Variants in AGBL1 observed in about 807,000 individuals in gnomAD.
The protein encoded by AGBL1 is AGBL carboxypeptidase 1.
A neutral mutation model predicts 118.9 loss-of-function variants in AGBL1; 130 were observed. That is an observed-to-expected ratio of 1.09 (90% confidence interval 0.95 to 1.26). AGBL1 has a LOEUF of 1.26. AGBL1 is among the 50% of genes most tolerant of loss of function. AGBL1 has a pLI of 0.00. For synonymous variants in AGBL1, 555 were observed against 478.9 expected (o/e 1.16, Z -2.08); for missense variants, 1,584 against 1,298.1 (o/e 1.22, Z -3.38).
intron 21 of AGBL1, among the ~76,000 whole-genome samples, chr15:86,584,362 A>C (rs2084216016): frequency 6.6e-6 from 1 of 152,120 alleles, no homozygotes; most frequent in Admixed American, 6.6e-5. Flanking sequence ...TAATTTTTGC[A>C]TATGAGGAAA....
rs576039901 is a variant in AGBL1, at chr15:86,693,700, G to A, written c.3158+19264G>A. On this transcript the variant is annotated intron_variant, in intron 22 of 22. Coordinates refer to ENST00000614907, the MANE Select transcript of AGBL1 (RefSeq NM_001386094.1). ...CAATGCCTAGAGGGTCTTTTCCAATGTTATCTTCTAGAACTTTTATAGTTT... is the reference window on the plus strand; with the variant it reads ...CAATGCCTAGAGGGTCTTTTCCAATATTATCTTCTAGAACTTTTATAGTTT... 1.6e-4 allele frequency among the ~76,000 whole-genome samples: 25 copies of A among 152,170 alleles called. No homozygotes were observed. In the East Asian group the frequency reaches 2.9e-3, roughly 18 times the overall value.
chr15:86,937,480 A>G (rs1202451817), intron 23 of AGBL1, among the ~76,000 whole-genome samples: 1 of 152,242 alleles, frequency 6.6e-6, no homozygotes, highest in Non-Finnish European at 1.5e-5. Flanking sequence ...AAAAGGAATG[A>G]AATAATGTCC....
chr15:86,931,217 C>G (rs1257117006), intron 23 of AGBL1, among the ~76,000 whole-genome samples: 1 of 152,232 alleles, frequency 6.6e-6, no homozygotes, highest in African/African-American at 2.4e-5. Flanking sequence ...CCCTTCGCTT[C>G]AAGATATTTC....
At chr15:86,821,286 A>C (rs759328585) in intron 22 of AGBL1, among the ~76,000 whole-genome samples, 1 of 152,196 alleles carries the variant, frequency 6.6e-6, no homozygotes, top group Non-Finnish European at 1.5e-5. Flanking sequence ...TGTAACAAAC[A>C]TGCATGTTCT....
At chr15:86,144,601 G>T (rs1567083526) in intron 3 of AGBL1, among the ~76,000 whole-genome samples, 1 of 152,146 alleles carries the variant, frequency 6.6e-6, no homozygotes, top group Non-Finnish European at 1.5e-5. Context: ...TTACAAGTGG[G>T]AGCTAAATGA....
rs1406476110 is a variant in AGBL1, at chr15:86,960,063, G to T, written c.3222-27924G>T. 3.9e-5 allele frequency among the ~76,000 whole-genome samples: 6 copies of T among 152,238 alleles called. No homozygotes were observed. The East Asian group carries it at 1.2e-3, about 29-fold the overall frequency. Reference sequence around the variant, plus strand: ...TATTTTTTAAATAATTCAACTGAAGGCCTTTTGCTTCTTTAACCTTTCTTT... The same window carrying T: ...TATTTTTTAAATAATTCAACTGAAGTCCTTTTGCTTCTTTAACCTTTCTTT... On this transcript the variant is annotated intron_variant, in intron 23 of 24. Coordinates refer to the AGBL1 transcript ENST00000441037.
chr15:86,550,969 G>A (rs935510188), intron 20 of AGBL1, among the ~76,000 whole-genome samples: 1 of 151,916 alleles, frequency 6.6e-6, no homozygotes, highest in Non-Finnish European at 1.5e-5. Flanking sequence ...TAAACAATTT[G>A]TATCAAATTA....
intron 22 of AGBL1, among the ~76,000 whole-genome samples, chr15:86,806,649 A>G (rs1890943324): frequency 6.6e-6 from 1 of 152,106 alleles, no homozygotes; most frequent in Admixed American, 6.6e-5. Flanking sequence ...GGGAGAAATA[A>G]TACTATCTCA....
At position 86,158,973 on chromosome 15, in the gene AGBL1, A is replaced by G. The variant is rs1289446995; in HGVS notation, c.435A>G (p.Glu145=). The G allele has an allele frequency of 6.2e-7, 1 of 1,613,378 alleles. No homozygotes were observed. The highest frequency in any genetic ancestry group is 8.5e-7 in the Non-Finnish European group (1 of 1,179,438). ...TGCTGGGAATTAATGGAGCCATGGAACTGCTTTTCAAGGTTATTACTCCTT... is the reference window on the plus strand; with the variant it reads ...TGCTGGGAATTAATGGAGCCATGGAGCTGCTTTTCAAGGTTATTACTCCTT... ...GAMLGINGAM[E]LLFKVITPYT... Residue 145 remains glutamate (E), a synonymous_variant, in exon 5 of 23, where the codon GAA becomes GAG. Coordinates refer to ENST00000614907, the MANE Select transcript of AGBL1 (RefSeq NM_001386094.1).
intron 22 of AGBL1, among the ~76,000 whole-genome samples, chr15:86,734,631 G>A (rs1263358315): frequency 1.3e-5 from 2 of 152,148 alleles, no homozygotes; most frequent in Non-Finnish European, 2.9e-5. Context: ...ATGCTGTGGA[G>A]TCATTGTCAC....
chr15:86,756,392 T>A (rs773618021), intron 22 of AGBL1, among the ~76,000 whole-genome samples: 1 of 151,862 alleles, frequency 6.6e-6, no homozygotes, highest in African/African-American at 2.4e-5. Flanking sequence ...GTGCTGGGGA[T>A]TGGGGACTCA....
intron 3 of AGBL1, among the ~76,000 whole-genome samples, chr15:86,145,082 G>C (rs568362968): frequency 6.6e-6 from 1 of 152,286 alleles, no homozygotes; most frequent in African/African-American, 2.4e-5. Flanking sequence ...ATCTTCACGT[G>C]CTGTTCTCCT....
downstream of AGBL1, among the ~76,000 whole-genome samples, chr15:86,917,948 A>C (rs994086945): frequency 6.6e-5 from 10 of 152,148 alleles, no homozygotes; most frequent in Non-Finnish European, 8.8e-5. This position sits in a 1 kb window ranked among gnomAD's most constrained non-coding sequence, Gnocchi z 4.8. Flanking sequence ...AGTCCCTCAA[A>C]TCTCTAGTAA....
intron 5 of AGBL1, among the ~76,000 whole-genome samples, chr15:86,219,008 A>C (rs1441298439): frequency 6.6e-6 from 1 of 152,224 alleles, no homozygotes; most frequent in Admixed American, 6.5e-5. Context: ...AATTGTGGTA[A>C]CATTACACTG....
chr15:86,678,831 C>G (rs1169128384), intron 22 of AGBL1, among the ~76,000 whole-genome samples: 1 of 151,952 alleles, frequency 6.6e-6, no homozygotes, highest in Non-Finnish European at 1.5e-5. Flanking sequence ...ACTATTGAAT[C>G]ATTTTGTATT....
chr15:86,407,403 C>T (rs933705132), intron 18 of AGBL1, among the ~76,000 whole-genome samples: 4 of 152,140 alleles, frequency 2.6e-5, no homozygotes, highest in African/African-American at 4.8e-5. Context: ...GACAATCATC[C>T]TGGTGTCTTT....
At chr15:86,734,726 A>G (rs1050886229) in intron 22 of AGBL1, among the ~76,000 whole-genome samples, 60 of 152,208 alleles carry the variant, frequency 3.9e-4, no homozygotes, top group African/African-American at 1.3e-3. Flanking sequence ...GGCTCTTTCC[A>G]TGATGAGGCC....
At chr15:86,873,390 C>T (rs535353107) in intron 22 of AGBL1, among the ~76,000 whole-genome samples, 3 of 152,228 alleles carry the variant, frequency 2.0e-5, no homozygotes, top group South Asian at 2.1e-4. Flanking sequence ...TTTTAAGAAT[C>T]GACTTTTGTT....
At chr15:86,424,124 T>C (rs1192937431) in intron 18 of AGBL1, among the ~76,000 whole-genome samples, 1 of 152,158 alleles carries the variant, frequency 6.6e-6, no homozygotes, top group Non-Finnish European at 1.5e-5. Context: ...CTACCTGACT[T>C]CAATCTATAC....
Sources: gnomAD v4.1 joint callset for allele counts (sites outside exome capture counted in the v4.1 genomes callset) on GRCh38, gnomAD v4.1.1 for gene constraint, Gnocchi (gnomAD v3.1) non-coding constraint, MANE v1.5 for transcripts, NCBI Gene and HGNC (gene_info 2026-07-23, HGNC 2026-07-21) for gene names.